USH2A: variants seen among roughly 807,000 people sequenced by gnomAD.
USH2A encodes the protein usherin, also known as Usher syndrome 2A (autosomal recessive, mild).
USH2A carries 443 observed loss-of-function variants against 538.9 expected under a neutral mutation model. That is an observed-to-expected ratio of 0.82 (90% CI 0.76 to 0.89). The LOEUF is 0.89. Among genes scored for constraint, USH2A ranks in the 40% least tolerant of loss-of-function variants. The pLI, the probability that USH2A is intolerant of heterozygous loss-of-function variation, is 0.00. For missense variants in USH2A, 6,633 were observed against 6,324.8 expected (o/e 1.05, Z -1.65); for synonymous variants, 2,413 against 2,273.5 (o/e 1.06, Z -1.75).
intron 47 of USH2A, among the ~76,000 whole-genome samples, chr1:215,825,854 T>C (rs534961215): frequency 2.0e-5 from 3 of 152,342 alleles, no homozygotes; most frequent in Non-Finnish European, 4.4e-5. Flanking sequence ...ATGTTTATTA[T>C]AAATTGTAGT....
At chr1:215,902,843 G>GCTAA (rs933188410) in intron 38 of USH2A, among the ~76,000 whole-genome samples, 1 of 152,096 alleles carries the variant, frequency 6.6e-6, no homozygotes, top group African/African-American at 2.4e-5. Flanking sequence ...GAACAGTGTG[G>GCTAA]CTAACACGGA....
chr1:216,361,876 A>G (rs2102704535), intron 4 of USH2A, among the ~76,000 whole-genome samples: 1 of 152,278 alleles, frequency 6.6e-6, no homozygotes, highest in East Asian at 1.9e-4. Flanking sequence ...AAGAACACAA[A>G]AGAGTACCTA....
chr1:216,024,245 G>A (rs1571897934), intron 32 of USH2A, among the ~76,000 whole-genome samples: 1 of 152,144 alleles, frequency 6.6e-6, no homozygotes, highest in East Asian at 1.9e-4. Context: ...AGTTATTTGT[G>A]TAAACATGAG....
intron 70 of USH2A, chr1:215,630,017 C>T (rs576927324): frequency 1.3e-3 from 601 of 471,890 alleles, no homozygotes; most frequent in Middle Eastern, 2.0e-3. Flanking sequence ...CCTTGTGATC[C>T]GCCCGCCTCG....
At chr1:216,002,907 C>T (rs1474102861) in intron 32 of USH2A, among the ~76,000 whole-genome samples, 1 of 152,074 alleles carries the variant, frequency 6.6e-6, no homozygotes, top group Non-Finnish European at 1.5e-5. Flanking sequence ...TATCACATAT[C>T]GCAGTGTCTG....
chr1:215,682,002 CATAACATTGG>C (rs1487408825), intron 61 of USH2A, among the ~76,000 whole-genome samples: 9 of 151,916 alleles, frequency 5.9e-5, no homozygotes, highest in African/African-American at 2.2e-4. Flanking sequence ...CTTATTTCTC[CATAACATTGG>C]ATTGGCCTTT....
chr1:215,708,618 A>C (rs12562236), intron 61 of USH2A, among the ~76,000 whole-genome samples: 1 of 152,182 alleles, frequency 6.6e-6, no homozygotes, highest in Non-Finnish European at 1.5e-5. Flanking sequence ...CATAAGGAGC[A>C]CACAACTTAG....
chr1:216,209,661 T>C (rs894872887), intron 15 of USH2A, among the ~76,000 whole-genome samples: 1 of 152,076 alleles, frequency 6.6e-6, no homozygotes, highest in Non-Finnish European at 1.5e-5. Flanking sequence ...CACACACACG[T>C]TTTTGTCCAT....
chr1:215,844,517 T>C (rs536675355), intron 45 of USH2A, 21 bp from the exon 46 acceptor site: 13 of 1,602,936 alleles, frequency 8.1e-6, no homozygotes, highest in Middle Eastern at 1.7e-4. Context: ...AGGAAGAAAC[T>C]GAATAAACTC....
chr1:216,360,353 G>A (rs1266934342), intron 4 of USH2A, among the ~76,000 whole-genome samples: 1 of 152,052 alleles, frequency 6.6e-6, no homozygotes, highest in Non-Finnish European at 1.5e-5. Flanking sequence ...TCTAGAAAAG[G>A]TGAAAATACA....
At chr1:216,011,142 G>GCA (rs1317160122) in intron 32 of USH2A, among the ~76,000 whole-genome samples, 8 of 152,084 alleles carry the variant, frequency 5.3e-5, no homozygotes, top group Non-Finnish European at 8.8e-5. Context: ...CAGGATCTAT[G>GCA]CCTTATCAAC....
At chr1:215,653,884 C>T (rs1657158502) in intron 64 of USH2A, among the ~76,000 whole-genome samples, 1 of 152,152 alleles carries the variant, frequency 6.6e-6, no homozygotes, top group African/African-American at 2.4e-5. Context: ...AAAGAAGCAG[C>T]AGAGATCCCA....
chr1:215,959,351 C>T (rs555509382), intron 37 of USH2A, among the ~76,000 whole-genome samples: 35 of 152,130 alleles, frequency 2.3e-4, no homozygotes, highest in African/African-American at 7.9e-4. Context: ...TCTGATTATG[C>T]TCATTTCATG....
chr1:216,328,838 G>A (rs953289101), intron 4 of USH2A, among the ~76,000 whole-genome samples: 1 of 151,804 alleles, frequency 6.6e-6, no homozygotes, highest in African/African-American at 2.4e-5. Flanking sequence ...GCATATATTT[G>A]TGTATATTCA....
chr1:216,362,212 CA>C (rs1409699397), intron 4 of USH2A, among the ~76,000 whole-genome samples: 2 of 151,980 alleles, frequency 1.3e-5, no homozygotes, highest in Admixed American at 6.6e-5. Flanking sequence ...ACTTATACAA[CA>C]TAATATTCTT....
At chr1:215,961,919 A>G (rs1667210214) in intron 37 of USH2A, among the ~76,000 whole-genome samples, 1 of 151,992 alleles carries the variant, frequency 6.6e-6, no homozygotes, top group Admixed American at 6.6e-5. Flanking sequence ...GGAAAAAGCA[A>G]TAATGAAGGG....
In USH2A at chr1:215,948,443, T is replaced by TAC. The variant is rs59062172; in HGVS notation, c.7121-13650_7121-13649dup. ...TTGTTCAGATATATATATATATATA[T>TAC]ACACACACACACACACACACACGTA... On this transcript the variant is annotated intron_variant, in intron 37 of 71. Transcript: ENST00000307340. Among the ~76,000 whole-genome samples, 1,465 of 147,208 alleles carry TAC rather than the reference T, an allele frequency of 1.0e-2. 12 individuals are homozygous for TAC. Among genetic ancestry groups the TAC allele is most frequent in the Admixed American group, 0.012 (182 of 14,664 alleles).
chr1:216,229,846 A>T (rs540281188), intron 14 of USH2A, among the ~76,000 whole-genome samples: 65 of 152,116 alleles, frequency 4.3e-4, no homozygotes, highest in Non-Finnish European at 8.8e-4. Flanking sequence ...TGAGAGTGAG[A>T]TGGGTAGATA....
intron 34 of USH2A, among the ~76,000 whole-genome samples, chr1:215,995,555 T>C (rs969392748): frequency 1.3e-5 from 2 of 152,000 alleles, no homozygotes; most frequent in Non-Finnish European, 2.9e-5. Context: ...AATCAGTATC[T>C]TGTTTGACCT....
Sources: gnomAD v4.1 joint callset for allele counts (sites outside exome capture counted in the v4.1 genomes callset) on GRCh38, gnomAD v4.1.1 for gene constraint, MANE v1.5 for transcripts, NCBI Gene and HGNC (gene_info 2026-07-23, HGNC 2026-07-21) for gene names.